FAP: variants seen among roughly 807,000 people sequenced by gnomAD.
The protein encoded by FAP is prolyl endopeptidase FAP.
A neutral mutation model predicts 126.5 loss-of-function variants in FAP; 110 were observed. The ratio of observed to expected loss-of-function variants is 0.87; its 90% CI spans 0.74 to 1.02. FAP has a LOEUF of 1.02. FAP is among the 50% of genes least tolerant of loss of function. The pLI, the probability that FAP is intolerant of heterozygous loss-of-function variation, is 0.00. For synonymous variants in FAP, 334 were observed against 297.3 expected (o/e 1.12, Z -1.27); for missense variants, 919 against 909.2 (o/e 1.01, Z -0.14).
chr2:162,216,463 C>T (rs989236769), intron 9 of FAP, among the ~76,000 whole-genome samples: 4 of 152,138 alleles, frequency 2.6e-5, no homozygotes, highest in Admixed American at 1.3e-4. Flanking sequence ...TGGTCTAGGA[C>T]AATCACCAAA....
chr2:162,180,371 C>T (rs376648882), intron 21 of FAP, among the ~76,000 whole-genome samples: 9 of 152,226 alleles, frequency 5.9e-5, no homozygotes, highest in African/African-American at 1.4e-4. Flanking sequence ...AATTGAAGTG[C>T]GAAACCTGTG....
intron 14 of FAP, among the ~76,000 whole-genome samples, chr2:162,201,346 T>A (rs1254766018): frequency 6.6e-6 from 1 of 152,110 alleles, no homozygotes; most frequent in Non-Finnish European, 1.5e-5. Flanking sequence ...ATCATGAAAA[T>A]CTTATTAGCA....
intron 15 of FAP, 66 bp downstream of exon 15, chr2:162,200,500 G>T: frequency 1.2e-6 from 1 of 857,200 alleles, no homozygotes; most frequent in Non-Finnish European, 1.9e-6. Flanking sequence ...CATCTCCTGG[G>T]GATGATGACT....
At chr2:162,222,418 A>T (rs1350016343) in intron 6 of FAP, among the ~76,000 whole-genome samples, 3 of 152,226 alleles carry the variant, frequency 2.0e-5, no homozygotes, top group African/African-American at 7.2e-5. Flanking sequence ...TCTACTTTAA[A>T]AAGCAGTTCC....
chr2:162,240,449 C>A (rs530165763), intron 2 of FAP, among the ~76,000 whole-genome samples: 1 of 152,158 alleles, frequency 6.6e-6, no homozygotes, highest in Non-Finnish European at 1.5e-5. Context: ...ACAAATCCTT[C>A]TCTGGTATCT....
intron 4 of FAP, 42 bp from the exon 5 acceptor site, chr2:162,224,582 C>A: frequency 8.3e-7 from 1 of 1,200,872 alleles, no homozygotes; most frequent in South Asian, 1.4e-5. Context: ...GAAAAGATAA[C>A]AAAGAACCAT....
At chr2:162,224,095 T>A (rs1689527841) in intron 5 of FAP, among the ~76,000 whole-genome samples, 1 of 152,198 alleles carries the variant, frequency 6.6e-6, no homozygotes, top group Non-Finnish European at 1.5e-5. Context: ...GAGAATTTCA[T>A]TCAACATGTA....
At chr2:162,230,582 C>T (rs533542837) in intron 2 of FAP, among the ~76,000 whole-genome samples, 2 of 151,474 alleles carry the variant, frequency 1.3e-5, no homozygotes, top group South Asian at 2.1e-4. Context: ...TGAATAATTC[C>T]CCCGAGAATA....
At chr2:162,214,577 T>G (rs1400756693) in intron 10 of FAP, among the ~76,000 whole-genome samples, 2 of 151,196 alleles carry the variant, frequency 1.3e-5, no homozygotes, top group African/African-American at 4.9e-5. Flanking sequence ...AGATGATGTA[T>G]GCGAAATAAC....
chr2:162,198,752 C>T lies in FAP; in HGVS notation c.1402+5G>A. 1 of 1,614,006 alleles carries T rather than the reference C, an allele frequency of 6.2e-7. No homozygotes were observed. Among genetic ancestry groups the T allele is most frequent in the Non-Finnish European group, 8.5e-7 (1 of 1,179,898 alleles). On this transcript the variant is annotated splice_donor_5th_base_variant and intron_variant, in intron 16 of 25. Transcript: ENST00000188790. ...TGCTGTGCTTATGTGAGGTCCGTTA[C>T]CTACCGTAGCAGACAAGTGCATAGT...
At chr2:162,225,722 A>G (rs1381286010) in intron 3 of FAP, 145 bp from the exon 4 acceptor site, 1 of 780,382 alleles carries the variant, frequency 1.3e-6, no homozygotes, top group Non-Finnish European at 1.8e-6. Flanking sequence ...GTAAAATAGT[A>G]AGTTGGTGGT....
At chr2:162,220,124 A>T (rs958643528) in intron 6 of FAP, among the ~76,000 whole-genome samples, 199 bp from the exon 7 acceptor site, 1 of 152,240 alleles carries the variant, frequency 6.6e-6, no homozygotes, top group African/African-American at 2.4e-5. Flanking sequence ...GTAGTTACTT[A>T]AAAGTCACTT....
intron 2 of FAP, among the ~76,000 whole-genome samples, chr2:162,231,459 A>G (rs556315351): frequency 6.6e-6 from 1 of 152,304 alleles, no homozygotes; most frequent in East Asian, 1.9e-4. Context: ...TTCTGAAAGC[A>G]TATCTCTCCT....
At chr2:162,191,867 C>T (rs911575168) in intron 17 of FAP, among the ~76,000 whole-genome samples, 1 of 152,088 alleles carries the variant, frequency 6.6e-6, no homozygotes, top group African/African-American at 2.4e-5. Flanking sequence ...AATAAACTTC[C>T]CCCTCTTTGC....
intron 21 of FAP, among the ~76,000 whole-genome samples, chr2:162,182,014 T>G (rs1687710531): frequency 6.6e-6 from 1 of 152,164 alleles, no homozygotes; most frequent in African/African-American, 2.4e-5. Context: ...CATTACCATG[T>G]TGGAAAGTAA....
chr2:162,176,777 C>T (rs1422605251), intron 21 of FAP: 3 of 152,106 alleles, frequency 2.0e-5, no homozygotes, highest in Non-Finnish European at 2.9e-5. Context: ...TAAAGTGAGA[C>T]TTGACATTAA....
chr2:162,189,139 A>G lies in FAP; in HGVS notation c.1583T>C (p.Phe528Ser). 1 of 1,604,410 alleles carries G rather than the reference A, an allele frequency of 6.2e-7. No individual in the cohort carries two copies. Among genetic ancestry groups the G allele is most frequent in the Non-Finnish European group, 8.5e-7 (1 of 1,174,692 alleles). Residue 528 changes from phenylalanine to serine, a missense_variant, in exon 19 of 26, where the codon TTT (phenylalanine) becomes TCT (serine). Phe to Ser is a radical substitution (Grantham distance 155). Transcript: ENST00000188790. ...CAAGGGATACTTCTTTGATCTGTCAAATTGAGGAGGAAGAATCATCTTGTA... is the reference window on the plus strand; with the variant it reads ...CAAGGGATACTTCTTTGATCTGTCAGATTGAGGAGGAAGAATCATCTTGTA... ...LWYKMILPPQ[F>S]DRSKKYPLLI...
chr2:162,197,955 T>C lies in FAP; in HGVS notation c.1402+802A>G, dbSNP rs140322886. ...CCCGAGTCAGTTTTCCAAATCTCCATAATGACTACTTAGACCCCAATATAT... is the reference window on the plus strand; with the variant it reads ...CCCGAGTCAGTTTTCCAAATCTCCACAATGACTACTTAGACCCCAATATAT... On this transcript the variant is annotated intron_variant, in intron 16 of 25. Transcript: ENST00000188790. Among the ~76,000 whole-genome samples the C allele has an allele frequency of 3.3e-3, 507 of 152,328 alleles. 3 individuals carry two copies. Among genetic ancestry groups the C allele is most frequent in the African/African-American group, 0.012 (489 of 41,572 alleles).
chr2:162,219,041 G>C, intron 8 of FAP, 22 bp downstream of exon 8: 1 of 1,568,816 alleles, frequency 6.4e-7, no homozygotes. Flanking sequence ...AGCATTAGCA[G>C]TAGAAAAGGA....
Sources: allele counts gnomAD v4.1 joint callset (sites outside exome capture counted in the v4.1 genomes callset), GRCh38; gene constraint gnomAD v4.1.1; transcripts MANE v1.5; gene names NCBI Gene and HGNC (gene_info 2026-07-23, HGNC 2026-07-21).